Variants in SLC22A9 observed in about 807,000 individuals in gnomAD.
The protein encoded by SLC22A9 is solute carrier family 22 member 9.
In SLC22A9, 64 loss-of-function variants were observed where a neutral mutation model predicts 50.1. The observed-to-expected ratio is 1.28, with a 90% confidence interval of 1.04 to 1.57. The LOEUF (loss-of-function observed/expected upper bound fraction) is 1.57. Among genes scored for constraint, SLC22A9 ranks in the 40% most tolerant of loss-of-function variants. SLC22A9 has a pLI of 0.00. For missense variants in SLC22A9, 757 were observed against 676.1 expected (o/e 1.12, Z -1.33); for synonymous variants, 261 against 242.5 (o/e 1.08, Z -0.71).
intron 4 of SLC22A9, among the ~76,000 whole-genome samples, chr11:63,374,796 G>A (rs1591013117): frequency 6.6e-6 from 1 of 152,076 alleles, no homozygotes; most frequent in African/African-American, 2.4e-5. Context: ...GGTGATATTG[G>A]ATGAAAAGAA....
At chr11:63,405,156 A>C (rs1402607616) in intron 6 of SLC22A9, among the ~76,000 whole-genome samples, 3 of 152,074 alleles carry the variant, frequency 2.0e-5, no homozygotes, top group African/African-American at 7.2e-5. Flanking sequence ...AAAGGAATAC[A>C]TGGCAACTAG....
chr11:63,388,823 AG>A (rs1468532010), intron 6 of SLC22A9, among the ~76,000 whole-genome samples: 1 of 152,110 alleles, frequency 6.6e-6, no homozygotes, highest in Admixed American at 6.6e-5. Flanking sequence ...CTTTGCTGAA[AG>A]ACCTTTTATT....
At chr11:63,409,008 G>C (rs753789150) in intron 9 of SLC22A9, 129 bp downstream of exon 9, 7 of 983,194 alleles carry the variant, frequency 7.1e-6, no homozygotes, top group Non-Finnish European at 1.1e-5. Flanking sequence ...CATGTAATCA[G>C]TGCCTTAGGT....
At chr11:63,404,274 T>G (rs2015000723) in intron 6 of SLC22A9, among the ~76,000 whole-genome samples, 1 of 151,994 alleles carries the variant, frequency 6.6e-6, no homozygotes, top group African/African-American at 2.4e-5. Context: ...AGTCAACTCA[T>G]AGAAGCAGAA....
intron 2 of SLC22A9, 69 bp from the exon 3 acceptor site, chr11:63,373,575 C>G (rs756974874): frequency 2.8e-6 from 4 of 1,413,786 alleles, no homozygotes; most frequent in South Asian, 1.7e-5. Flanking sequence ...TCAAAGTGTG[C>G]CTTCTCTTTG....
chr11:63,381,064 A>G (rs1231370172), intron 5 of SLC22A9, among the ~76,000 whole-genome samples: 1 of 152,132 alleles, frequency 6.6e-6, no homozygotes, highest in East Asian at 1.9e-4. Flanking sequence ...TGAATTTATT[A>G]TTTTATAATG....
At chr11:63,393,453 AG>A (rs1409853137) in intron 6 of SLC22A9, among the ~76,000 whole-genome samples, 8 of 152,162 alleles carry the variant, frequency 5.3e-5, no homozygotes, top group Admixed American at 3.9e-4. Context: ...TTTGACTATC[AG>A]TAATATGCTG....
intron 6 of SLC22A9, 107 bp downstream of exon 6, chr11:63,382,384 G>A (rs986261203): frequency 2.6e-6 from 2 of 762,570 alleles, no homozygotes; most frequent in African/African-American, 3.5e-5. Context: ...GCACATAAAA[G>A]ATGAGAAAGC....
At chr11:63,407,975 T>A in intron 7 of SLC22A9, 137 bp from the exon 8 acceptor site, 1 of 609,184 alleles carries the variant, frequency 1.6e-6, no homozygotes, top group East Asian at 2.8e-5. Flanking sequence ...CTGCACATTC[T>A]TTGCCTCTAT....
At chr11:63,406,786 C>G in intron 7 of SLC22A9, 75 bp downstream of exon 7, 6 of 1,463,496 alleles carry the variant, frequency 4.1e-6, no homozygotes, top group Non-Finnish European at 5.5e-6. Flanking sequence ...TCACACCTAT[C>G]TGAAGCCAAG....
intron 6 of SLC22A9, among the ~76,000 whole-genome samples, chr11:63,405,180 G>C (rs1240429919): frequency 6.6e-6 from 1 of 152,058 alleles, no homozygotes; most frequent in Non-Finnish European, 1.5e-5. Flanking sequence ...TTTATATAAA[G>C]AAATCAGGTG....
intron 6 of SLC22A9, among the ~76,000 whole-genome samples, chr11:63,395,007 T>C: frequency 6.6e-6 from 1 of 151,960 alleles, no homozygotes; most frequent in East Asian, 1.9e-4. Flanking sequence ...CTGAATTTCT[T>C]TCTTCTGCTT....
intron 6 of SLC22A9, among the ~76,000 whole-genome samples, chr11:63,395,530 T>C (rs1258317685): frequency 6.6e-6 from 1 of 152,224 alleles, no homozygotes; most frequent in Non-Finnish European, 1.5e-5. Flanking sequence ...GGCTCTGGGC[T>C]GGTACTGGGG....
intron 6 of SLC22A9, among the ~76,000 whole-genome samples, chr11:63,405,935 G>C (rs558621899): frequency 6.6e-6 from 1 of 152,038 alleles, no homozygotes; most frequent in Non-Finnish European, 1.5e-5. Flanking sequence ...GACCATCATC[G>C]TCTTACCATC....
intron 6 of SLC22A9, among the ~76,000 whole-genome samples, chr11:63,397,164 CAGA>C (rs147570965): frequency 0.014 from 2,080 of 152,322 alleles, 51 homozygotes; most frequent in African/African-American, 0.047. Context: ...GGATAACATC[CAGA>C]AGAATTATCT....
At chr11:63,381,667 C>T (rs574877581) in intron 5 of SLC22A9, among the ~76,000 whole-genome samples, 1 of 152,228 alleles carries the variant, frequency 6.6e-6, no homozygotes, top group Non-Finnish European at 1.5e-5. Flanking sequence ...GCAGCCCCTC[C>T]TTCCCCAACC....
intron 9 of SLC22A9, among the ~76,000 whole-genome samples, chr11:63,409,562 T>G (rs760367683): frequency 1.6e-4 from 24 of 152,124 alleles, no homozygotes; most frequent in Non-Finnish European, 3.4e-4. Flanking sequence ...TGGACAAGCT[T>G]GCACCAAGGC....
intron 1 of SLC22A9, among the ~76,000 whole-genome samples, 196 bp from the exon 2 acceptor site, chr11:63,370,939 T>G (rs978853088): frequency 1.3e-5 from 2 of 152,140 alleles, no homozygotes; most frequent in African/African-American, 2.4e-5. Context: ...AACCTATAGG[T>G]TTAGGAAAGT....
chr11:63,395,403 C>T (rs2014835810), intron 6 of SLC22A9, among the ~76,000 whole-genome samples: 1 of 152,072 alleles, frequency 6.6e-6, no homozygotes, highest in Non-Finnish European at 1.5e-5. Flanking sequence ...GTTATTTTGT[C>T]CCATGGTGTT....
Sources: gnomAD v4.1 joint callset for allele counts (sites outside exome capture counted in the v4.1 genomes callset) on GRCh38, gnomAD v4.1.1 for gene constraint, MANE v1.5 for transcripts, NCBI Gene and HGNC (gene_info 2026-07-23, HGNC 2026-07-21) for gene names.